Variants in RELN observed in about 807,000 individuals in gnomAD.
RELN encodes reelin.
Under a neutral mutation model 427.6 loss-of-function variants are expected in RELN, and 108 were observed. The observed-to-expected ratio is 0.25, with a 90% CI of 0.22 to 0.30. The LOEUF (loss-of-function observed/expected upper bound fraction) is 0.30. Among genes scored for constraint, RELN ranks in the 10% least tolerant of loss-of-function variants. The pLI, the probability that RELN is intolerant of heterozygous loss-of-function variation, is 1.00. For missense variants in RELN, 3,715 were observed against 4,302.8 expected (o/e 0.86, Z 3.82); for synonymous variants, 1,524 against 1,513.4 (o/e 1.01, Z -0.16).
intron 1 of RELN, among the ~76,000 whole-genome samples, chr7:103,927,001 A>G (rs1320764955): frequency 1.2e-4 from 19 of 152,192 alleles, no homozygotes; most frequent in Non-Finnish European, 2.8e-4. Flanking sequence ...CCATATGTTC[A>G]TTTCAATATA....
chr7:103,876,539 T>A (rs891095802), intron 2 of RELN, among the ~76,000 whole-genome samples: 1 of 152,214 alleles, frequency 6.6e-6, no homozygotes, highest in East Asian at 1.9e-4. Context: ...ATTGCTCTTG[T>A]TTCTTCTATT....
rs182726081 is a variant in RELN at position 103,496,412 on chromosome 7, C to G, written c.9193+114G>C. 3.6e-6 allele frequency: 5 copies of G among 1,380,602 alleles called. No homozygotes were observed. In the African/African-American group the frequency reaches 7.1e-5, roughly 20 times the overall value. 85.5% of individuals were successfully genotyped at this position (1,380,602 alleles called of 1,614,324 possible). ...AAAATAACAGCTAACATTTGTTGAG[C>G]AGGAGTATGGGCTAGGCACTCTTAT... On this transcript the variant is annotated intron_variant, in intron 56 of 64. Coordinates refer to ENST00000428762, the MANE Select transcript of RELN (RefSeq NM_005045.4).
chr7:103,561,798 G>A lies in RELN; in HGVS notation c.5351+15C>T. 6.2e-7 allele frequency: 1 copy of A among 1,613,900 alleles called. No homozygotes were observed. Among genetic ancestry groups the A allele is most frequent in the South Asian group, 1.1e-5 (1 of 91,080 alleles). On this transcript the variant is annotated intron_variant, in intron 35 of 64. Coordinates refer to ENST00000428762, the MANE Select transcript of RELN (RefSeq NM_005045.4). Reference sequence around the variant, plus strand: ...TGCGTTACAAAGAAAGAAACTGTCAGTTTTATTAACTTACACACAGCGTCC... The same window carrying A: ...TGCGTTACAAAGAAAGAAACTGTCAATTTTATTAACTTACACACAGCGTCC...
chr7:103,962,294 T>C (rs140668274), intron 1 of RELN, among the ~76,000 whole-genome samples: 2 of 152,236 alleles, frequency 1.3e-5, no homozygotes, highest in Non-Finnish European at 2.9e-5. Flanking sequence ...AACTCTCTCA[T>C]GGAACACATT....
At chr7:103,546,728 G>A (rs923635113) in intron 41 of RELN, among the ~76,000 whole-genome samples, 3 of 152,050 alleles carry the variant, frequency 2.0e-5, no homozygotes, top group African/African-American at 7.2e-5. Context: ...CACCCATATA[G>A]TGTTCACACA....
intron 6 of RELN, among the ~76,000 whole-genome samples, chr7:103,744,711 C>T (rs1324440604): frequency 6.6e-6 from 1 of 152,120 alleles, no homozygotes; most frequent in Admixed American, 6.5e-5. Flanking sequence ...CAAGACTAAA[C>T]CAGGAAGAAG....
chr7:103,526,546 C>T (rs1320505125), intron 46 of RELN, among the ~76,000 whole-genome samples: 1 of 152,112 alleles, frequency 6.6e-6, no homozygotes. Flanking sequence ...ATGTACCCAT[C>T]AAACAAGGAT....
intron 10 of RELN, among the ~76,000 whole-genome samples, chr7:103,695,093 C>T (rs1833950697): frequency 1.3e-5 from 2 of 152,104 alleles, no homozygotes; most frequent in Non-Finnish European, 2.9e-5. Context: ...TTCTAATTTG[C>T]TGTATTTAGT....
intron 2 of RELN, among the ~76,000 whole-genome samples, chr7:103,893,601 C>T (rs992271904): frequency 2.0e-5 from 3 of 152,082 alleles, no homozygotes; most frequent in African/African-American, 7.2e-5. Flanking sequence ...CATAAATGTA[C>T]ATACACTTAA....
intron 2 of RELN, among the ~76,000 whole-genome samples, chr7:103,906,534 ACT>A (rs4006759): frequency 0.64 from 96,123 of 151,184 alleles, 30,936 homozygotes; most frequent in Non-Finnish European, 0.7. Flanking sequence ...CAGCATTCTG[ACT>A]CTCTCTCTCT....
At chr7:103,839,175 C>T (rs1465446168) in intron 2 of RELN, among the ~76,000 whole-genome samples, 1 of 152,090 alleles carries the variant, frequency 6.6e-6, no homozygotes, top group African/African-American at 2.4e-5. Flanking sequence ...CAGTATCTTA[C>T]ATAATGTCTC....
chr7:103,548,226 A>T (rs770860205), intron 41 of RELN, among the ~76,000 whole-genome samples: 19 of 152,244 alleles, frequency 1.2e-4, no homozygotes, highest in Non-Finnish European at 2.9e-5. Context: ...TATATGTAGA[A>T]GGAACAAAAT....
At chr7:103,648,947 T>G (rs1340846235) in intron 16 of RELN, among the ~76,000 whole-genome samples, 1 of 151,928 alleles carries the variant, frequency 6.6e-6, no homozygotes, top group Non-Finnish European at 1.5e-5. Flanking sequence ...CAGATACTGG[T>G]GAGGACGTGG....
At position 103,726,274 on chromosome 7, in the gene RELN, T is replaced by C. The variant is rs73410884; in HGVS notation, c.753+1837A>G. Among the ~76,000 whole-genome samples, 261 of 152,304 alleles carry C rather than the reference T, an allele frequency of 1.7e-3. 1 individual carries two copies. The highest frequency in any genetic ancestry group is 6.1e-3 in the African/African-American group (253 of 41,576). ...ATACAGTATAAAAATTATGAAAAAT[T>C]AGAAGTTAGTATAAAATGTGGACAT... On this transcript the variant is annotated intron_variant, in intron 7 of 64. Transcript: ENST00000428762.
intron 2 of RELN, among the ~76,000 whole-genome samples, chr7:103,907,694 T>C (rs1795244496): frequency 6.6e-6 from 1 of 151,884 alleles, no homozygotes; most frequent in Admixed American, 6.6e-5. Context: ...TTTAAAATGG[T>C]AAATTTTATA....
At chr7:103,532,288 G>A (rs1258312435) in intron 46 of RELN, among the ~76,000 whole-genome samples, 2 of 152,126 alleles carry the variant, frequency 1.3e-5, no homozygotes, top group Non-Finnish European at 2.9e-5. Flanking sequence ...ACTGGGGCTT[G>A]TTGGAAAGTG....
rs762015967 is a variant in RELN, at chr7:103,495,791, CCTT to C, written c.9298_9300del (p.Lys3100del). ...GAGGAGAGAGCATTGTGAGTCTTGT[CCTT>C]CTTTTTATTTGGCCAATAGAGGTGA... On this transcript the variant is annotated inframe_deletion, in exon 57 of 65. Transcript: ENST00000428762. 197 of 1,613,922 alleles carry C rather than the reference CCTT, an allele frequency of 1.2e-4. 1 individual carries two copies. The African/African-American group carries it at 2.4e-3, about 19-fold the overall frequency.
At chr7:103,918,637 ATT>A (rs756563742) in intron 1 of RELN, among the ~76,000 whole-genome samples, 1 of 152,138 alleles carries the variant, frequency 6.6e-6, no homozygotes, top group Non-Finnish European at 1.5e-5. Flanking sequence ...GGTGCTCAAT[ATT>A]TAGTGAATTA....
At chr7:103,865,132 C>CAAAAAAAAAA (rs386410871) in intron 2 of RELN, among the ~76,000 whole-genome samples, 7 of 67,188 alleles carry the variant, frequency 1.0e-4, no homozygotes, top group Admixed American at 1.8e-4. Flanking sequence ...GAAACTGTCT[C>CAAAAAAAAAA]AAAAAAAAAA....
Sources: allele counts gnomAD v4.1 joint callset (sites outside exome capture counted in the v4.1 genomes callset), GRCh38; gene constraint gnomAD v4.1.1; transcripts MANE v1.5; gene names NCBI Gene and HGNC (gene_info 2026-07-23, HGNC 2026-07-21).